The following MATR3 variants were observed in gnomAD, a reference collection of about 807,000 sequenced individuals.
The protein encoded by MATR3 is matrin 3.
A neutral mutation model predicts 85.5 loss-of-function variants in MATR3; 4 were observed. The observed-to-expected ratio is 0.05, with a 90% CI of 0.02 to 0.11. The LOEUF (loss-of-function observed/expected upper bound fraction) is 0.11, where lower values mean the gene tolerates loss of function less well. Ranked by LOEUF, MATR3 falls within the 10% of genes least tolerant of loss-of-function variation. MATR3 has a pLI of 1.00. For missense variants in MATR3, 685 were observed against 1,016.1 expected (o/e 0.67, Z 4.43); for synonymous variants, 336 against 343.1 (o/e 0.98, Z 0.23).
chr5:139,312,556 T>C (rs1484907783), intron 2 of MATR3: 1 of 152,212 alleles, frequency 6.6e-6, no homozygotes, highest in Non-Finnish European at 1.5e-5. Context: ...TAATCTAGCT[T>C]TGAGAGACCT....
chr5:139,325,718 A>C, intron 13 of MATR3, 56 bp downstream of exon 13: 5 of 1,471,732 alleles, frequency 3.4e-6, no homozygotes, highest in Non-Finnish European at 4.8e-6. Flanking sequence ...ACAAACTCTT[A>C]GGTTTTAAAA....
rs1158553695 is a variant in MATR3, at chr5:139,331,340, T to C, written c.*1945T>C. 1 of 454,170 alleles carries C rather than the reference T, an allele frequency of 2.2e-6. No individual in the cohort carries two copies. The allele number at this position is 454,170 out of a possible 1,614,324, so 28.1% of individuals were successfully genotyped here. ...TTTAATTCCAATTTTTAACAGCAGG[T>C]ACATAAAGCATTATGTGCACAATGG... On this transcript the variant is annotated 3_prime_UTR_variant, in exon 15 of 15. Transcript: ENST00000394805.
At chr5:139,315,417 G>A (rs753012582) in intron 3 of MATR3, 3 of 352,000 alleles carry the variant, frequency 8.5e-6, no homozygotes, top group Non-Finnish European at 1.6e-5. Context: ...TTCTTTGTGC[G>A]GCACTTCCTC....
At chr5:139,301,072 C>T (rs1026158658) in intron 1 of MATR3, among the ~76,000 whole-genome samples, 3 of 152,158 alleles carry the variant, frequency 2.0e-5, no homozygotes, top group Admixed American at 2.0e-4. Flanking sequence ...ACCTCAGCTT[C>T]CCAAAGTGCT....
Position 139,330,999 on chromosome 5 carries a change from C to A in MATR3, c.*1604C>A, listed in dbSNP as rs767291586. ...ATAGATGGGGCTTTGCCATGTTGCCCAGGTTGATCTTGAATTCCTGGGCCC... is the reference window on the plus strand; with the variant it reads ...ATAGATGGGGCTTTGCCATGTTGCCAAGGTTGATCTTGAATTCCTGGGCCC... On this transcript the variant is annotated 3_prime_UTR_variant, in exon 15 of 15. Transcript: ENST00000394805. 2.2e-6 allele frequency: 1 copy of A among 454,022 alleles called. No individual in the cohort carries two copies. The highest frequency in any genetic ancestry group is 1.6e-5 in the South Asian group (1 of 64,476). 28.1% of individuals were successfully genotyped at this position (454,022 alleles called of 1,614,324 possible). A position where few individuals can be genotyped will look rare whatever the true frequency, so the allele number is the denominator to read the frequency against.
Position 139,329,625 on chromosome 5 carries a change from T to G in MATR3, c.*230T>G, listed in dbSNP as rs1222565053. 3.7e-6 allele frequency: 2 copies of G among 536,406 alleles called. No individual in the cohort carries two copies. The highest frequency in any genetic ancestry group is 7.1e-6 in the Non-Finnish European group (2 of 282,110). 33.2% of individuals were successfully genotyped at this position (536,406 alleles called of 1,614,324 possible). On this transcript the variant is annotated 3_prime_UTR_variant, in exon 15 of 15. Coordinates refer to ENST00000394805, the MANE Select transcript of MATR3 (RefSeq NM_018834.6). ...TTATCAGAATGGCAACAGACAGAAG[T>G]ACTTTGTAGAGATTGACTTCCTAAG...
upstream of MATR3, among the ~76,000 whole-genome samples, chr5:139,291,461 TGAGATA>T (rs199768463): frequency 4.1e-3 from 630 of 152,358 alleles, 5 homozygotes; most frequent in Admixed American, 4.4e-3. Context: ...TAAATTAGAT[TGAGATA>T]AAGTAATATT....
intron 3 of MATR3, among the ~76,000 whole-genome samples, chr5:139,282,123 G>C (rs1040436791): frequency 7.9e-5 from 12 of 152,200 alleles, no homozygotes; most frequent in Middle Eastern, 3.2e-3. Context: ...ACCGTGCTAA[G>C]AGCAACTAAT....
intron 3 of MATR3, among the ~76,000 whole-genome samples, chr5:139,283,798 G>A (rs1753615572): frequency 7.9e-5 from 12 of 152,098 alleles, no homozygotes; most frequent in Admixed American, 7.9e-4. Context: ...TTTATCACCC[G>A]TAGATTCCCT....
intron 4 of MATR3, 33 bp downstream of exon 4, chr5:139,315,771 A>G (rs771626590): frequency 2.0e-6 from 3 of 1,531,568 alleles, no homozygotes; most frequent in Admixed American, 1.7e-5. Context: ...CCATTTGTAA[A>G]GGAGATCAAT....
rs766833958 is a variant in MATR3 at position 139,322,856 on chromosome 5, C to G, written c.2037C>G (p.Thr679=). The G allele has an allele frequency of 6.2e-7, 1 of 1,614,100 alleles. No homozygotes were observed. The highest frequency in any genetic ancestry group is 2.2e-5 in the East Asian group (1 of 44,892). ...GTGGCAGTTCAGTGGGAGACGAGAC[C>G]GATCTTGCTAATTTAGGTGATGTGG... ...LESGSSVGDE[T]DLANLGDVAS... Residue 679 remains threonine, a synonymous_variant, in exon 12 of 15, where the codon ACC becomes ACG. Coordinates refer to ENST00000394805, the MANE Select transcript of MATR3 (RefSeq NM_018834.6).
intron 9 of MATR3, among the ~76,000 whole-genome samples, chr5:139,320,612 A>G (rs1755508504): frequency 1.3e-5 from 2 of 152,166 alleles, no homozygotes; most frequent in Admixed American, 6.5e-5. Flanking sequence ...CAAAAAGGAA[A>G]TAAGGATGAG....
chr5:139,300,902 C>T (rs1754405138), intron 1 of MATR3, among the ~76,000 whole-genome samples: 1 of 152,198 alleles, frequency 6.6e-6, no homozygotes, highest in African/African-American at 2.4e-5. Flanking sequence ...CAACCTCCGT[C>T]TTCTGGGTTC....
intron 7 of MATR3, among the ~76,000 whole-genome samples, chr5:139,318,582 A>G (rs1755376354): frequency 6.6e-6 from 1 of 152,102 alleles, no homozygotes; most frequent in African/African-American, 2.4e-5. Flanking sequence ...AGCTGGGACT[A>G]CAGACGTCCA....
intron 2 of MATR3, chr5:139,278,914 G>C (rs1241209250): frequency 1.9e-6 from 1 of 517,458 alleles, no homozygotes; most frequent in Non-Finnish European, 3.8e-6. Flanking sequence ...CCTTTGGGCA[G>C]TGTTTTGCAC....
chr5:139,292,408 T>C (rs555988565), upstream of MATR3, among the ~76,000 whole-genome samples: 3 of 152,330 alleles, frequency 2.0e-5, no homozygotes, highest in African/African-American at 7.2e-5. Context: ...AATCATTAAC[T>C]GTGCTGGAAA....
chr5:139,331,676 G>T lies in MATR3; in HGVS notation c.*2281G>T. On this transcript the variant is annotated 3_prime_UTR_variant, in exon 15 of 15. Coordinates refer to ENST00000394805, the MANE Select transcript of MATR3 (RefSeq NM_018834.6). ...TGAATGAAACTTCTAGAAGTACCTT[G>T]AGTTTGTTTTACAGTTCTTTTTTAT... 2.3e-6 allele frequency: 1 copy of T among 437,724 alleles called. No individual in the cohort carries two copies. Among genetic ancestry groups the T allele is most frequent in the Non-Finnish European group, 4.5e-6 (1 of 220,316 alleles). The allele number at this position is 437,724 out of a possible 1,614,324, so 27.1% of individuals were successfully genotyped here.
In MATR3 at chr5:139,330,402, G is replaced by A. The variant is rs141919082; in HGVS notation, c.*1007G>A. On this transcript the variant is annotated 3_prime_UTR_variant, in exon 15 of 15. Transcript: ENST00000394805. ...AATACCAATAAAAAGAAAACCCTAG[G>A]CCATGTTAATTGGTTATACATGTTT... 1.2e-4 allele frequency: 55 copies of A among 454,442 alleles called. No individual in the cohort carries two copies. The highest frequency in any genetic ancestry group is 8.8e-6 in the Non-Finnish European group (2 of 226,782). The allele number at this position is 454,442 out of a possible 1,614,324, so 28.2% of individuals were successfully genotyped here. A position where few individuals can be genotyped will look rare whatever the true frequency, so the allele number is the denominator to read the frequency against.
rs1016630013 is a variant in MATR3 at position 139,315,685 on chromosome 5, G to A, written c.975-12G>A. The stretch of plus-strand genomic sequence containing the variant: ...GTTTTATTTTAAAGTTAATTTTCTG[G>A]TCTTTTTAAAGCTACCCAGAATGGA... On this transcript the variant is annotated splice_polypyrimidine_tract_variant and intron_variant, in intron 3 of 14. Transcript: ENST00000394805. 1.2e-5 allele frequency: 19 copies of A among 1,599,912 alleles called. No individual in the cohort carries two copies. The highest frequency in any genetic ancestry group is 1.5e-5 in the Non-Finnish European group (18 of 1,167,536).
Sources: allele counts gnomAD v4.1 joint callset (sites outside exome capture counted in the v4.1 genomes callset), GRCh38; gene constraint gnomAD v4.1.1; transcripts MANE v1.5; gene names NCBI Gene and HGNC (gene_info 2026-07-23, HGNC 2026-07-21).